UGGT2: variants seen among roughly 807,000 people sequenced by gnomAD.
UGGT2 encodes the protein UDP-glucose:glycoprotein glucosyltransferase 2.
Under a neutral mutation model 192.1 loss-of-function variants are expected in UGGT2, and 180 were observed. The ratio of observed to expected loss-of-function variants is 0.94; its 90% confidence interval spans 0.83 to 1.06. The LOEUF is 1.06. Among genes scored for constraint, UGGT2 ranks in the 50% least tolerant of loss-of-function variants. The pLI is 0.00. For synonymous variants in UGGT2, 580 were observed against 591.0 expected (o/e 0.98, Z 0.27); for missense variants, 1,849 against 1,795.7 (o/e 1.03, Z -0.54).
intron 33 of UGGT2, among the ~76,000 whole-genome samples, chr13:95,857,420 T>G (rs1305388085): frequency 6.6e-6 from 1 of 152,106 alleles, no homozygotes; most frequent in East Asian, 1.9e-4. Context: ...TAAACTATTA[T>G]CTACAGAAAA....
At chr13:95,857,914 C>G (rs756681924) in intron 33 of UGGT2, among the ~76,000 whole-genome samples, 5 of 151,740 alleles carry the variant, frequency 3.3e-5, no homozygotes, top group Non-Finnish European at 5.9e-5. Context: ...CTCCCTTATT[C>G]AGTGTCTGAC....
chr13:95,997,540 G>A (rs1315729854), intron 6 of UGGT2, among the ~76,000 whole-genome samples: 1 of 152,130 alleles, frequency 6.6e-6, no homozygotes, highest in Non-Finnish European at 1.5e-5. Context: ...CTACTCAGGA[G>A]GCTGAAGCAA....
chr13:95,819,051 T>TA (rs1885221404), intron 38 of UGGT2, among the ~76,000 whole-genome samples: 1 of 152,050 alleles, frequency 6.6e-6, no homozygotes, highest in Admixed American at 6.6e-5. Context: ...CTATGAGAAA[T>TA]AAAAAATAGG....
intron 36 of UGGT2, among the ~76,000 whole-genome samples, chr13:95,840,037 C>T (rs1371330906): frequency 1.3e-5 from 2 of 152,088 alleles, no homozygotes; most frequent in African/African-American, 4.8e-5. Flanking sequence ...TCCAAATAAA[C>T]ACATTTAAAT....
intron 20 of UGGT2, among the ~76,000 whole-genome samples, chr13:95,906,040 C>T (rs1288241925): frequency 6.6e-6 from 1 of 152,134 alleles, no homozygotes; most frequent in East Asian, 1.9e-4. Context: ...TGTGCTGATA[C>T]CAAACTGTTT....
intron 29 of UGGT2, among the ~76,000 whole-genome samples, chr13:95,875,210 A>C (rs1468553164): frequency 6.6e-6 from 1 of 152,204 alleles, no homozygotes. Flanking sequence ...TGTTAAATAC[A>C]TTCTGTACTT....
chr13:95,947,207 T>A, intron 14 of UGGT2, 35 bp from the exon 15 acceptor site: 1 of 1,540,962 alleles, frequency 6.5e-7, no homozygotes, highest in Non-Finnish European at 8.8e-7. Flanking sequence ...CTGTTATAAT[T>A]ACCTCTTGAA....
At position 95,894,670 on chromosome 13, in the gene UGGT2, G is replaced by C. The variant is rs1418564997; in HGVS notation, c.2760-13C>G. On this transcript the variant is annotated splice_polypyrimidine_tract_variant and intron_variant, in intron 23 of 38. Transcript: ENST00000376747. Reference sequence around the variant, plus strand: ...AAAGTCACTCATGCTAGATAAACAAGACAAACAGTGTATGAGTTTTTTGGA... The same window carrying C: ...AAAGTCACTCATGCTAGATAAACAACACAAACAGTGTATGAGTTTTTTGGA... 4 of 1,599,976 alleles carry C rather than the reference G, an allele frequency of 2.5e-6. No individual in the cohort carries two copies. In the East Asian group the frequency reaches 9.0e-5, roughly 36 times the overall value.
intron 13 of UGGT2, among the ~76,000 whole-genome samples, chr13:95,948,595 T>C (rs2049958246): frequency 6.6e-6 from 1 of 152,230 alleles, no homozygotes; most frequent in South Asian, 2.1e-4. Flanking sequence ...TTAGATATTA[T>C]TGGGCTAATA....
intron 12 of UGGT2, among the ~76,000 whole-genome samples, chr13:95,951,262 T>A (rs2050052142): frequency 6.6e-6 from 1 of 152,098 alleles, no homozygotes; most frequent in African/African-American, 2.4e-5. Flanking sequence ...ATTTTGGAAT[T>A]CAAAAGTATA....
chr13:96,004,010 G>A (rs1381275612), intron 5 of UGGT2, among the ~76,000 whole-genome samples: 5 of 151,990 alleles, frequency 3.3e-5, no homozygotes, highest in African/African-American at 4.8e-5. Context: ...CTCATAAATA[G>A]TAGTAACTTA....
At chr13:96,025,264 A>G (rs2139128318) in intron 2 of UGGT2, among the ~76,000 whole-genome samples, 1 of 152,298 alleles carries the variant, frequency 6.6e-6, no homozygotes, top group African/African-American at 2.4e-5. Context: ...TCTGGAGAAT[A>G]AAAGACCCAG....
At position 95,970,336 on chromosome 13, in the gene UGGT2, C is replaced by A; in HGVS notation, c.1185-74G>T. The A allele has an allele frequency of 4.4e-6, 6 of 1,355,034 alleles. No individual in the cohort carries two copies. In the East Asian group the frequency reaches 1.4e-4, roughly 32 times the overall value. The allele number at this position is 1,355,034 out of a possible 1,614,324, so 83.9% of individuals were successfully genotyped here. The stretch of plus-strand genomic sequence containing the variant: ...AACAAATGTTTTAAAGTTTGATAGT[C>A]TTAAAGCATTAGAAATGAGATTTTT... On this transcript the variant is annotated intron_variant, in intron 11 of 38. Transcript: ENST00000376747.
chr13:96,025,292 T>G (rs966700048), intron 2 of UGGT2, among the ~76,000 whole-genome samples: 3 of 152,144 alleles, frequency 2.0e-5, no homozygotes, highest in African/African-American at 7.2e-5. Flanking sequence ...GTCCAATTAA[T>G]AGGATTTGAG....
chr13:95,861,205 A>G (rs978525732), intron 31 of UGGT2, among the ~76,000 whole-genome samples: 11 of 152,124 alleles, frequency 7.2e-5, no homozygotes, highest in African/African-American at 2.7e-4. Context: ...TATCTAGTGT[A>G]CTGAAAGTTT....
At position 96,038,962 on chromosome 13, in the gene UGGT2, C is replaced by T. The variant is rs1793020498; in HGVS notation, c.159-6991G>A. Among the ~76,000 whole-genome samples the T allele has an allele frequency of 2.0e-5, 3 of 152,128 alleles. No homozygotes were observed. The South Asian group carries it at 6.2e-4, about 32-fold the overall frequency. On this transcript the variant is annotated intron_variant, in intron 1 of 38. Transcript: ENST00000376747. ...AATTCTCCCCTGTCCACCTGTGAAA[C>T]TAGAAAACAAGTTATGTTTCCAAAA...
intron 8 of UGGT2, among the ~76,000 whole-genome samples, chr13:95,988,614 C>A (rs1006571018): frequency 2.6e-5 from 4 of 151,996 alleles, no homozygotes; most frequent in Non-Finnish European, 4.4e-5. Flanking sequence ...TCTCATTCTG[C>A]TGAATGATTT....
intron 28 of UGGT2, 165 bp downstream of exon 28, chr13:95,877,533 A>C: frequency 9.6e-7 from 1 of 1,037,340 alleles, no homozygotes. Context: ...AAAATTATTA[A>C]AGTATGATTT....
chr13:95,958,752 A>G (rs547334247), intron 12 of UGGT2, among the ~76,000 whole-genome samples: 34 of 152,310 alleles, frequency 2.2e-4, no homozygotes, highest in African/African-American at 7.9e-4. Context: ...GAGAAGTGAC[A>G]GGAGTACCCG....
Sources: gnomAD v4.1 joint callset for allele counts (sites outside exome capture counted in the v4.1 genomes callset) on GRCh38, gnomAD v4.1.1 for gene constraint, MANE v1.5 for transcripts, NCBI Gene and HGNC (gene_info 2026-07-23, HGNC 2026-07-21) for gene names.